Variants in ST3GAL3 observed in about 807,000 individuals in gnomAD.
ST3GAL3 encodes the protein CMP-N-acetylneuraminate-beta-1,4-galactoside alpha-2,3-sialyltransferase.
In ST3GAL3, 21 loss-of-function variants were observed where a neutral mutation model predicts 50.1. The observed-to-expected ratio is 0.42, with a 90% confidence interval of 0.30 to 0.60. The LOEUF (loss-of-function observed/expected upper bound fraction) is 0.60. Ranked by LOEUF, ST3GAL3 falls within the 20% of genes least tolerant of loss-of-function variation. The probability of loss-of-function intolerance (pLI) is 0.19; values close to 1 mark genes in which losing one functional copy is unlikely to be tolerated. For missense variants in ST3GAL3, 353 were observed against 489.4 expected, an observed-to-expected ratio of 0.72 and a Z score of 2.63; for synonymous variants, 183 against 190.0, an observed-to-expected ratio of 0.96 and a Z score of 0.30.
intron 5 of ST3GAL3, among the ~76,000 whole-genome samples, chr1:43,875,954 T>C (rs962458294): frequency 9.3e-5 from 4 of 42,796 alleles, no homozygotes; most frequent in African/African-American, 2.6e-4. Flanking sequence ...CTTCTTCTTA[T>C]TATTATTATT....
intron 2 of ST3GAL3, among the ~76,000 whole-genome samples, chr1:43,750,077 G>T (rs556012771): frequency 6.6e-6 from 1 of 152,170 alleles, no homozygotes; most frequent in East Asian, 1.9e-4. Context: ...ACACAGAGTG[G>T]ATTAAGACAC....
chr1:43,922,031 A>T (rs1267821591), intron 11 of ST3GAL3: 8 of 312,598 alleles, frequency 2.6e-5, no homozygotes. Flanking sequence ...CCATTCTCTC[A>T]CATTCTCTTT....
chr1:43,928,351 A>T (rs2084389710), intron 11 of ST3GAL3, among the ~76,000 whole-genome samples: 1 of 152,128 alleles, frequency 6.6e-6, no homozygotes, highest in South Asian at 2.1e-4. Flanking sequence ...CTGTAATCCC[A>T]ACACTTTGGG....
intron 2 of ST3GAL3, chr1:43,739,183 T>C (rs1292441266): frequency 6.6e-6 from 1 of 152,192 alleles, no homozygotes; most frequent in Non-Finnish European, 1.5e-5. Flanking sequence ...AGATAATCTA[T>C]TGGAATTTCT....
chr1:43,764,405 A>G (rs1691747127), intron 2 of ST3GAL3, among the ~76,000 whole-genome samples: 1 of 152,124 alleles, frequency 6.6e-6, no homozygotes, highest in East Asian at 1.9e-4. Context: ...AATGAGGTAG[A>G]GTCGCGCAAC....
chr1:43,881,707 G>A (rs1414232724), intron 5 of ST3GAL3, among the ~76,000 whole-genome samples: 1 of 152,080 alleles, frequency 6.6e-6, no homozygotes, highest in African/African-American at 2.4e-5. Flanking sequence ...CATGCATGTG[G>A]CTCCAGCTTG....
chr1:43,771,364 GT>G (rs397943226), intron 2 of ST3GAL3, among the ~76,000 whole-genome samples: 93 of 142,980 alleles, frequency 6.5e-4, no homozygotes, highest in Non-Finnish European at 6.5e-4. Flanking sequence ...GCGACTTTTT[GT>G]TTTTTTTTTT....
At chr1:43,785,395 G>C (rs991000798) in intron 2 of ST3GAL3, among the ~76,000 whole-genome samples, 10 of 152,230 alleles carry the variant, frequency 6.6e-5, no homozygotes, top group Admixed American at 2.0e-4. Context: ...TAGAGGCCTG[G>C]ATGGTGCTGG....
intron 5 of ST3GAL3, among the ~76,000 whole-genome samples, chr1:43,875,830 G>A (rs887818103): frequency 6.6e-6 from 1 of 151,824 alleles, no homozygotes; most frequent in African/African-American, 2.4e-5. Flanking sequence ...CATCTCTCCT[G>A]TTTCCTGCTT....
chr1:43,861,656 A>G (rs2069957893), intron 5 of ST3GAL3, among the ~76,000 whole-genome samples: 1 of 152,124 alleles, frequency 6.6e-6, no homozygotes, highest in Non-Finnish European at 1.5e-5. Flanking sequence ...TGCCTTACTA[A>G]CCCATAGTCT....
At chr1:43,846,637 C>G (rs2066300230) in intron 5 of ST3GAL3, among the ~76,000 whole-genome samples, 1 of 152,044 alleles carries the variant, frequency 6.6e-6, no homozygotes, top group African/African-American at 2.4e-5. Flanking sequence ...TAGCTGGGAC[C>G]ACAAACACAT....
intron 5 of ST3GAL3, among the ~76,000 whole-genome samples, chr1:43,886,516 A>C (rs1558732135): frequency 6.6e-6 from 1 of 152,218 alleles, no homozygotes. Context: ...GCCTATTAAA[A>C]ATTTTTTTAA....
chr1:43,884,933 C>T (rs2075730577), intron 5 of ST3GAL3, among the ~76,000 whole-genome samples: 1 of 152,212 alleles, frequency 6.6e-6, no homozygotes. Context: ...GGTGCCCACA[C>T]ATAACTACTC....
At chr1:43,741,801 A>G (rs531186412) in intron 2 of ST3GAL3, among the ~76,000 whole-genome samples, 3 of 152,196 alleles carry the variant, frequency 2.0e-5, no homozygotes, top group Non-Finnish European at 4.4e-5. Flanking sequence ...TTCCTAAGAG[A>G]AGGAAAACTC....
Position 43,763,039 on chromosome 1 carries a change from G to A in ST3GAL3, c.118+26659G>A, listed in dbSNP as rs909060492. On this transcript the variant is annotated intron_variant, in intron 2 of 11. Coordinates refer to ENST00000347631, the MANE Select transcript of ST3GAL3 (RefSeq NM_006279.5). ...CCACTTCTAGGAATTCCCCTACTGG[G>A]ATTCTTGCACACTTGCAAAATGATA... Among the ~76,000 whole-genome samples the A allele has an allele frequency of 2.0e-5, 3 of 152,184 alleles. No individual in the cohort carries two copies. In the East Asian group the frequency reaches 5.8e-4, roughly 29 times the overall value.
chr1:43,814,690 C>T (rs920733662), intron 3 of ST3GAL3, among the ~76,000 whole-genome samples: 2 of 152,188 alleles, frequency 1.3e-5, no homozygotes, highest in African/African-American at 4.8e-5. Flanking sequence ...TAGGAAATAC[C>T]TGGCATTGAA....
intron 5 of ST3GAL3, among the ~76,000 whole-genome samples, chr1:43,849,801 T>A (rs1434827240): frequency 1.3e-5 from 2 of 152,198 alleles, no homozygotes; most frequent in Non-Finnish European, 2.9e-5. Context: ...CACTTCTGAT[T>A]TACAGCACAC....
At chr1:43,721,903 T>C (rs2154073584) in intron 1 of ST3GAL3, among the ~76,000 whole-genome samples, 1 of 152,202 alleles carries the variant, frequency 6.6e-6, no homozygotes, top group Non-Finnish European at 1.5e-5. Flanking sequence ...CCCGGCCCCC[T>C]CATGTATTTT....
intron 5 of ST3GAL3, chr1:43,850,573 C>A: frequency 1.4e-6 from 1 of 732,622 alleles, no homozygotes; most frequent in Non-Finnish European, 2.5e-6. Flanking sequence ...GTGTTTCTAT[C>A]ATCTGGGCAG....
Sources: allele counts gnomAD v4.1 joint callset (sites outside exome capture counted in the v4.1 genomes callset), GRCh38; gene constraint gnomAD v4.1.1; transcripts MANE v1.5; gene names NCBI Gene and HGNC (gene_info 2026-07-23, HGNC 2026-07-21).